DIAPH3: variants seen among roughly 807,000 people sequenced by gnomAD.
The protein encoded by DIAPH3 is protein diaphanous homolog 3.
A neutral mutation model predicts 144.3 loss-of-function variants in DIAPH3; 117 were observed. That is an observed-to-expected ratio of 0.81 (90% CI 0.70 to 0.95). DIAPH3 has a LOEUF of 0.95. Among genes scored for constraint, DIAPH3 ranks in the 40% least tolerant of loss-of-function variants. DIAPH3 has a pLI of 0.00. For synonymous variants in DIAPH3, 519 were observed against 488.9 expected, an observed-to-expected ratio of 1.06 and a Z score of -0.81; for missense variants, 1,421 against 1,412.7, an observed-to-expected ratio of 1.01 and a Z score of -0.09.
At chr13:59,700,026 T>G (rs919830244) in intron 27 of DIAPH3, among the ~76,000 whole-genome samples, 6 of 152,256 alleles carry the variant, frequency 3.9e-5, no homozygotes, top group African/African-American at 1.4e-4. Flanking sequence ...TATTTGTATA[T>G]GGTGTATCTC....
intron 27 of DIAPH3, among the ~76,000 whole-genome samples, chr13:59,727,289 G>C (rs1176264991): frequency 6.7e-6 from 1 of 150,258 alleles, no homozygotes; most frequent in African/African-American, 2.4e-5. Flanking sequence ...AGGTCACATA[G>C]AGCAAAAAAA....
At chr13:59,910,198 G>T (rs928055916) in intron 20 of DIAPH3, among the ~76,000 whole-genome samples, 1 of 149,714 alleles carries the variant, frequency 6.7e-6, no homozygotes, top group Non-Finnish European at 1.5e-5. Flanking sequence ...ACTCTAAATA[G>T]TCTGTGGTTA....
chr13:60,026,460 T>C (rs1429706079), intron 5 of DIAPH3, among the ~76,000 whole-genome samples: 1 of 152,204 alleles, frequency 6.6e-6, no homozygotes, highest in Non-Finnish European at 1.5e-5. Flanking sequence ...CCAGAGCCTT[T>C]ATGATCCTGT....
intron 27 of DIAPH3, among the ~76,000 whole-genome samples, chr13:59,702,058 A>G (rs2034139122): frequency 6.6e-6 from 1 of 152,202 alleles, no homozygotes; most frequent in Admixed American, 6.5e-5. Context: ...TTCCTTTCCT[A>G]AGATAGTTCC....
intron 20 of DIAPH3, among the ~76,000 whole-genome samples, chr13:59,897,320 T>A (rs951913901): frequency 6.6e-6 from 1 of 152,226 alleles, no homozygotes; most frequent in East Asian, 1.9e-4. Flanking sequence ...TCTGGAATTA[T>A]GAGGTTGTCT....
At chr13:59,940,794 C>T (rs2048490208) in intron 17 of DIAPH3, among the ~76,000 whole-genome samples, 1 of 152,162 alleles carries the variant, frequency 6.6e-6, no homozygotes, top group Non-Finnish European at 1.5e-5. Context: ...GGACTCTGGA[C>T]TCTCATTCTT....
intron 2 of DIAPH3, among the ~76,000 whole-genome samples, chr13:60,112,941 T>G (rs990375906): frequency 2.0e-5 from 3 of 152,194 alleles, no homozygotes; most frequent in Non-Finnish European, 2.9e-5. Flanking sequence ...GAACCCAGAC[T>G]CATACATTTC....
intron 27 of DIAPH3, among the ~76,000 whole-genome samples, chr13:59,744,828 C>A (rs1593732075): frequency 6.6e-6 from 1 of 152,048 alleles, no homozygotes. Flanking sequence ...AAATTGCAAT[C>A]AGGGCGACTG....
At chr13:60,056,062 T>C (rs2056547063) in intron 4 of DIAPH3, among the ~76,000 whole-genome samples, 1 of 151,642 alleles carries the variant, frequency 6.6e-6, no homozygotes, top group South Asian at 2.1e-4. Flanking sequence ...GAAACCTAAT[T>C]GTATTTCAAA....
In DIAPH3 at chr13:59,908,113, G is replaced by C. The variant is rs556568349; in HGVS notation, c.2367+3622C>G. The stretch of plus-strand genomic sequence containing the variant: ...TGGCCGGGTGCAGTGGCTCACACCT[G>C]TAATCCCAGCACTTTGGGAGATCGA... On this transcript the variant is annotated intron_variant, in intron 20 of 27. Coordinates refer to ENST00000400324, the MANE Select transcript of DIAPH3 (RefSeq NM_001042517.2). 2.0e-5 allele frequency among the ~76,000 whole-genome samples: 3 copies of C among 152,176 alleles called. No homozygotes were observed. In the South Asian group the frequency reaches 6.2e-4, roughly 32 times the overall value.
At chr13:59,994,906 A>G (rs567922356) in intron 9 of DIAPH3, among the ~76,000 whole-genome samples, 13 of 151,998 alleles carry the variant, frequency 8.6e-5, no homozygotes, top group African/African-American at 2.9e-4. Context: ...ATTTTATGCA[A>G]CAGGGGCACA....
In DIAPH3 at chr13:59,971,009, C is replaced by G; in HGVS notation, c.1802G>C (p.Gly601Ala). The part of the protein sequence containing the change: ...PPPPPPPPLP[G>A]MRMPFSGPVP... ...AGGACCACTGAATGGCATCCGCATT[C>G]CTGGAAGTGGAGGAGGTGGTGGGGG... The change falls in exon 16 of 28, where the codon GGA (glycine) becomes GCA (alanine). Residue 601 changes from glycine to alanine, a missense_variant. Coordinates refer to ENST00000400324, the MANE Select transcript of DIAPH3 (RefSeq NM_001042517.2). 3 of 1,613,714 alleles carry G rather than the reference C, an allele frequency of 1.9e-6. No individual in the cohort carries two copies. Among genetic ancestry groups the G allele is most frequent in the Non-Finnish European group, 2.5e-6 (3 of 1,179,900 alleles).
At chr13:59,686,342 G>T (rs774050919) in intron 27 of DIAPH3, among the ~76,000 whole-genome samples, 54 of 151,834 alleles carry the variant, frequency 3.6e-4, no homozygotes, top group Non-Finnish European at 2.1e-4. Context: ...CCTTAGAGAT[G>T]TCACTTACAC....
chr13:59,877,774 C>G (rs1168385399), intron 21 of DIAPH3, among the ~76,000 whole-genome samples: 2 of 151,726 alleles, frequency 1.3e-5, no homozygotes, highest in Non-Finnish European at 2.9e-5. Context: ...CTCATTAGCC[C>G]CACTCCTTTC....
intron 4 of DIAPH3, among the ~76,000 whole-genome samples, chr13:60,079,546 T>C (rs894384082): frequency 2.0e-5 from 3 of 152,082 alleles, no homozygotes; most frequent in African/African-American, 7.2e-5. Flanking sequence ...ATAAATACCA[T>C]ATACATCTCC....
At chr13:60,119,696 G>A (rs2058790630) in intron 2 of DIAPH3, among the ~76,000 whole-genome samples, 3 of 132,538 alleles carry the variant, frequency 2.3e-5, no homozygotes, top group East Asian at 2.2e-4. Context: ...GCAGTGAGCC[G>A]AGATCCCGCC....
chr13:59,839,371 A>G lies in DIAPH3; in HGVS notation c.2815T>C (p.Phe939Leu), dbSNP rs895652510. Reference protein sequence around the residue: ...LQQLEKELETFPPPEDLHDKF... With the variant: ...LQQLEKELETLPPPEDLHDKF... ...TCATGCAAGTCCTCAGGAGGGGGAA[A>G]GGTTTCCAATTCCTTCTCAAGCTGT... Residue 939 changes from phenylalanine (F) to leucine (L), a missense_variant, in exon 23 of 28, where the codon TTT (phenylalanine) becomes CTT (leucine). Transcript: ENST00000400324. The G allele has an allele frequency of 3.1e-6, 5 of 1,613,604 alleles. No individual in the cohort carries two copies. The African/African-American group carries it at 6.7e-5, about 22-fold the overall frequency.
At chr13:59,910,893 G>A (rs1348211619) in intron 20 of DIAPH3, among the ~76,000 whole-genome samples, 2 of 150,972 alleles carry the variant, frequency 1.3e-5, no homozygotes, top group Admixed American at 6.6e-5. Flanking sequence ...AGGAAGGAAT[G>A]TAAAAGCAAA....
chr13:59,757,160 T>C (rs2037321030), intron 27 of DIAPH3, among the ~76,000 whole-genome samples: 1 of 151,946 alleles, frequency 6.6e-6, no homozygotes, highest in Admixed American at 6.6e-5. Context: ...ACACATCCAG[T>C]GTTATTGAGA....
Sources: allele counts gnomAD v4.1 joint callset (sites outside exome capture counted in the v4.1 genomes callset), GRCh38; gene constraint gnomAD v4.1.1; transcripts MANE v1.5; gene names NCBI Gene and HGNC (gene_info 2026-07-23, HGNC 2026-07-21).